PKNOX2: variants seen among roughly 807,000 people sequenced by gnomAD.
The protein encoded by PKNOX2 is PBX/knotted 1 homeobox 2.
Under a neutral mutation model 53.1 loss-of-function variants are expected in PKNOX2, and 14 were observed. The ratio of observed to expected loss-of-function variants is 0.26; its 90% confidence interval spans 0.17 to 0.41. The LOEUF (loss-of-function observed/expected upper bound fraction) is 0.41. Among genes scored for constraint, PKNOX2 ranks in the 10% least tolerant of loss-of-function variants. The pLI is 1.00. For synonymous variants in PKNOX2, 257 were observed against 242.8 expected, an observed-to-expected ratio of 1.06 and a Z score of -0.54; for missense variants, 496 against 602.8, an observed-to-expected ratio of 0.82 and a Z score of 1.85.
At chr11:125,191,645 C>T (rs974846701) in intron 1 of PKNOX2, among the ~76,000 whole-genome samples, 3 of 151,782 alleles carry the variant, frequency 2.0e-5, no homozygotes, top group African/African-American at 7.3e-5. Flanking sequence ...TGTGGTGGGG[C>T]GTGTGGTTGG....
intron 5 of PKNOX2, among the ~76,000 whole-genome samples, chr11:125,375,662 G>A (rs550182531): frequency 6.6e-6 from 1 of 152,286 alleles, no homozygotes; most frequent in African/African-American, 2.4e-5. Flanking sequence ...GTGTGTGTGG[G>A]TGTGTGTTTA....
intron 7 of PKNOX2, among the ~76,000 whole-genome samples, chr11:125,399,716 T>C (rs1404274470): frequency 6.6e-6 from 1 of 152,164 alleles, no homozygotes; most frequent in African/African-American, 2.4e-5. Flanking sequence ...TTGGAAATAA[T>C]CAGGTCCTTG....
intron 2 of PKNOX2, among the ~76,000 whole-genome samples, chr11:125,265,103 A>G (rs1945210718): frequency 6.6e-6 from 1 of 152,118 alleles, no homozygotes; most frequent in Non-Finnish European, 1.5e-5. Flanking sequence ...CCTGGCTAAC[A>G]CGGTGAAACC....
At chr11:125,397,120 G>A (rs1190504283) in intron 6 of PKNOX2, among the ~76,000 whole-genome samples, 1 of 152,118 alleles carries the variant, frequency 6.6e-6, no homozygotes, top group Non-Finnish European at 1.5e-5. Context: ...TTCTTGCCAC[G>A]AAAAGGTTAG....
At chr11:125,273,875 AACC>A (rs1331430305) in intron 2 of PKNOX2, among the ~76,000 whole-genome samples, 2 of 152,196 alleles carry the variant, frequency 1.3e-5, no homozygotes, top group African/African-American at 4.8e-5. Context: ...GAGCTGTGCT[AACC>A]ACCTTTGGAA....
At position 125,431,251 on chromosome 11, in the gene PKNOX2, T is replaced by A. The variant is rs944311115; in HGVS notation, c.1278T>A (p.Asp426Glu). The change falls in exon 13 of 13, where the codon GAT (aspartate) becomes GAA (glutamate). Residue 426 changes from aspartate to glutamate, a missense_variant. Transcript: ENST00000298282. The stretch of plus-strand genomic sequence containing the variant: ...AGCAGGCTATGATGGCTGCACACGA[T>A]GACTCATTGGATGGGACAGAAGAAG... The part of the protein sequence containing the change: ...AMQQAMMAAH[D>E]DSLDGTEEED... The A allele has an allele frequency of 6.2e-7, 1 of 1,613,530 alleles. No individual in the cohort carries two copies. The highest frequency in any genetic ancestry group is 1.1e-5 in the South Asian group (1 of 91,042).
At chr11:125,357,601 G>T (rs1476262053) in intron 4 of PKNOX2, among the ~76,000 whole-genome samples, 1 of 152,128 alleles carries the variant, frequency 6.6e-6, no homozygotes, top group Non-Finnish European at 1.5e-5. Context: ...AGCGGGTCTG[G>T]GGAGGACCTT....
At chr11:125,189,545 C>T (rs574304177) in intron 1 of PKNOX2, among the ~76,000 whole-genome samples, 2 of 141,924 alleles carry the variant, frequency 1.4e-5, no homozygotes, top group South Asian at 4.6e-4. Context: ...AATCAGTCGT[C>T]TTTAGATTAA....
chr11:125,405,086 T>G (rs905636885), intron 7 of PKNOX2, among the ~76,000 whole-genome samples: 27 of 152,202 alleles, frequency 1.8e-4, no homozygotes, highest in African/African-American at 6.5e-4. Context: ...TGGCTGGGGC[T>G]GGCTCCGCAC....
intron 1 of PKNOX2, among the ~76,000 whole-genome samples, chr11:125,171,931 G>A (rs1565460775): frequency 6.6e-6 from 1 of 152,208 alleles, no homozygotes; most frequent in Non-Finnish European, 1.5e-5. Context: ...AGGTGACGTG[G>A]AAAAAGCCAC....
rs532524019 is a variant in PKNOX2 at position 125,392,349 on chromosome 11, A to G, written c.400-5525A>G. 2.7e-4 allele frequency among the ~76,000 whole-genome samples: 41 copies of G among 152,352 alleles called. 2 individuals carry two copies. In the South Asian group the frequency reaches 5.8e-3, roughly 22 times the overall value. Reference sequence around the variant, plus strand: ...CGGACTCAAATCCAGGCTGCCTGACAATGAACCCACAGTGTTCCTGCCCTG... The same window carrying G: ...CGGACTCAAATCCAGGCTGCCTGACGATGAACCCACAGTGTTCCTGCCCTG... On this transcript the variant is annotated intron_variant, in intron 6 of 12. Coordinates refer to ENST00000298282, the MANE Select transcript of PKNOX2 (RefSeq NM_001382323.2).
intron 4 of PKNOX2, among the ~76,000 whole-genome samples, chr11:125,365,184 G>A (rs1952124521): frequency 2.0e-5 from 3 of 151,826 alleles, no homozygotes; most frequent in African/African-American, 7.2e-5. Context: ...TATATCCCAC[G>A]TTCCTTCAAA....
rs894509498 is a variant in PKNOX2, at chr11:125,164,767, T to C, written c.-210T>C. 4 of 159,456 alleles carry C rather than the reference T, an allele frequency of 2.5e-5. No individual in the cohort carries two copies. The highest frequency in any genetic ancestry group is 9.7e-5 in the African/African-American group (4 of 41,450). The allele number at this position is 159,456 out of a possible 1,614,324, so 9.9% of individuals were successfully genotyped here. The stretch of plus-strand genomic sequence containing the variant: ...CACGCCGGTGTCAGTCTGATGAAGA[T>C]TGGCATCAGGTAAGCTGTCATTCAT... On this transcript the variant is annotated 5_prime_UTR_variant, in exon 1 of 13. Coordinates refer to ENST00000298282, the MANE Select transcript of PKNOX2 (RefSeq NM_001382323.2).
intron 2 of PKNOX2, among the ~76,000 whole-genome samples, chr11:125,293,326 G>T (rs1356605761): frequency 6.6e-6 from 1 of 152,166 alleles, no homozygotes; most frequent in Non-Finnish European, 1.5e-5. Context: ...TATGTGGGCA[G>T]GTGGATGACT....
intron 10 of PKNOX2, among the ~76,000 whole-genome samples, chr11:125,424,314 C>T (rs997595283): frequency 5.3e-5 from 8 of 152,038 alleles, no homozygotes; most frequent in Admixed American, 1.3e-4. Flanking sequence ...AGAAGTTTCT[C>T]GGGTGACTTA....
chr11:125,312,434 G>A (rs541402998), intron 2 of PKNOX2, among the ~76,000 whole-genome samples: 15 of 152,346 alleles, frequency 9.8e-5, no homozygotes, highest in African/African-American at 2.9e-4. Flanking sequence ...CTTCAAAGCC[G>A]TCTGAGTTCA....
intron 2 of PKNOX2, among the ~76,000 whole-genome samples, chr11:125,300,934 G>A (rs1276844993): frequency 6.6e-6 from 1 of 152,182 alleles, no homozygotes; most frequent in East Asian, 1.9e-4. Context: ...TCTGGCCTAG[G>A]TGTCAGGAGA....
At chr11:125,243,488 T>C (rs777436902) in intron 2 of PKNOX2, among the ~76,000 whole-genome samples, 31 of 152,246 alleles carry the variant, frequency 2.0e-4, no homozygotes, top group Non-Finnish European at 4.3e-4. Flanking sequence ...CTGTTCCCTC[T>C]GCCAAAGATG....
intron 3 of PKNOX2, among the ~76,000 whole-genome samples, chr11:125,346,116 C>A (rs1003499611): frequency 6.6e-6 from 1 of 150,762 alleles, no homozygotes; most frequent in African/African-American, 2.4e-5. Flanking sequence ...TGTGTTATTT[C>A]AGCCTCCTGC....
Sources: allele counts gnomAD v4.1 joint callset (sites outside exome capture counted in the v4.1 genomes callset), GRCh38; gene constraint gnomAD v4.1.1; transcripts MANE v1.5; gene names NCBI Gene and HGNC (gene_info 2026-07-23, HGNC 2026-07-21).